Variants in FIGN observed in about 807,000 individuals in gnomAD.
The protein encoded by FIGN is fidgetin.
Under a neutral mutation model 51.3 loss-of-function variants are expected in FIGN, and 11 were observed. The observed-to-expected ratio is 0.21, with a 90% CI of 0.13 to 0.35. The LOEUF is 0.35. FIGN is among the 10% of genes least tolerant of loss of function. The pLI is 1.00. For missense variants in FIGN, 857 were observed against 943.6 expected, an observed-to-expected ratio of 0.91 and a Z score of 1.20; for synonymous variants, 407 against 363.2, an observed-to-expected ratio of 1.12 and a Z score of -1.37.
intron 2 of FIGN, among the ~76,000 whole-genome samples, chr2:163,673,697 G>T (rs1370011101): frequency 6.6e-6 from 1 of 152,114 alleles, no homozygotes; most frequent in Non-Finnish European, 1.5e-5. Context: ...CAGGGACGGG[G>T]TCTGTTTTGT....
At chr2:163,655,077 TG>T (rs1683538259) in intron 2 of FIGN, among the ~76,000 whole-genome samples, 1 of 152,112 alleles carries the variant, frequency 6.6e-6, no homozygotes, top group Non-Finnish European at 1.5e-5. Flanking sequence ...CATGCATACA[TG>T]TGTACATACT....
intron 2 of FIGN, among the ~76,000 whole-genome samples, chr2:163,643,024 T>C (rs1683327308): frequency 6.6e-6 from 1 of 152,094 alleles, no homozygotes; most frequent in African/African-American, 2.4e-5. Context: ...TTTGTAGAAA[T>C]TGATACACTG....
chr2:163,665,903 ATT>A (rs1683765171), intron 2 of FIGN, among the ~76,000 whole-genome samples: 1 of 152,134 alleles, frequency 6.6e-6, no homozygotes, highest in Admixed American at 6.5e-5. Flanking sequence ...CTATGGTTTT[ATT>A]TTTACAAAGT....
chr2:163,623,019 G>T (rs1359850489), intron 2 of FIGN, among the ~76,000 whole-genome samples: 1 of 152,054 alleles, frequency 6.6e-6, no homozygotes, highest in African/African-American at 2.4e-5. Context: ...TAAGCAACAC[G>T]AAAACCCAAC....
intron 2 of FIGN, among the ~76,000 whole-genome samples, chr2:163,734,274 A>G (rs1684977777): frequency 6.6e-6 from 1 of 152,040 alleles, no homozygotes; most frequent in South Asian, 2.1e-4. Context: ...TTTAAAAGAC[A>G]TCAAGGACTT....
intron 2 of FIGN, among the ~76,000 whole-genome samples, chr2:163,655,804 CAGAGAGAGAGAG>C (rs3058760): frequency 1.4e-5 from 2 of 145,780 alleles, no homozygotes; most frequent in African/African-American, 2.5e-5. Context: ...CACACACACA[CAGAGAGAGAGAG>C]AGAGAGAGAG....
chr2:163,649,205 A>T (rs1472988763), intron 2 of FIGN, among the ~76,000 whole-genome samples: 1 of 152,190 alleles, frequency 6.6e-6, no homozygotes, highest in Non-Finnish European at 1.5e-5. Context: ...CATGTCAAAG[A>T]ATTAGAAAAC....
At chr2:163,614,825 A>G (rs1019251149) in intron 2 of FIGN, among the ~76,000 whole-genome samples, 1 of 152,110 alleles carries the variant, frequency 6.6e-6, no homozygotes, top group Admixed American at 6.6e-5. Context: ...TATTTTTTTA[A>G]AAAAACACAG....
rs181815828 is a variant in FIGN, at chr2:163,646,777, A to G, written c.26-34971T>C. 3.9e-3 allele frequency among the ~76,000 whole-genome samples: 594 copies of G among 152,358 alleles called. 3 individuals carry two copies. The highest frequency in any genetic ancestry group is 0.014 in the African/African-American group (570 of 41,588). ...ATTGATCTCACATTAATTTGATTGA[A>G]GGTGGCTTGCCAACACATCTCACTT... On this transcript the variant is annotated intron_variant, in intron 2 of 2. Transcript: ENST00000333129.
intron 2 of FIGN, among the ~76,000 whole-genome samples, chr2:163,714,608 T>C (rs761680417): frequency 2.6e-5 from 4 of 152,216 alleles, no homozygotes; most frequent in Non-Finnish European, 5.9e-5. Context: ...AAGAAACTGA[T>C]CCTAGCTACT....
chr2:163,694,731 C>A (rs149356217), intron 2 of FIGN, among the ~76,000 whole-genome samples: 22 of 152,252 alleles, frequency 1.4e-4, no homozygotes, highest in African/African-American at 5.3e-4. Flanking sequence ...TACTACTTCA[C>A]CAAACAAAGA....
At chr2:163,626,504 GACC>G (rs1675922256) in intron 2 of FIGN, among the ~76,000 whole-genome samples, 1 of 152,102 alleles carries the variant, frequency 6.6e-6, no homozygotes. Context: ...TTACAAAAGA[GACC>G]ACAAGATGTC....
chr2:163,673,099 C>A (rs1683904440), intron 2 of FIGN, among the ~76,000 whole-genome samples: 1 of 151,926 alleles, frequency 6.6e-6, no homozygotes, highest in Admixed American at 6.6e-5. Context: ...AAATATTATT[C>A]AAAATAAAAA....
At chr2:163,635,310 G>A (rs1683208309) in intron 2 of FIGN, among the ~76,000 whole-genome samples, 2 of 152,212 alleles carry the variant, frequency 1.3e-5, no homozygotes, top group Admixed American at 6.5e-5. Context: ...GTTCACACCT[G>A]TAATTCCAGT....
chr2:163,655,804 CAG>C (rs3058760), intron 2 of FIGN, among the ~76,000 whole-genome samples: 233 of 144,886 alleles, frequency 1.6e-3, no homozygotes, highest in Non-Finnish European at 1.7e-3. Flanking sequence ...CACACACACA[CAG>C]AGAGAGAGAG....
rs1412221878 is a variant in FIGN, at chr2:163,603,827, A to G, written c.*5725T>C. ...TTTTAAAACTAAGTGTTCTTTTGCT[A>G]CTGTAATATAGAGCTGGTGAAGAAA... On this transcript the variant is annotated 3_prime_UTR_variant, in exon 3 of 3. Coordinates refer to ENST00000333129, the MANE Select transcript of FIGN (RefSeq NM_018086.4). The G allele has an allele frequency of 3.9e-5, 6 of 152,108 alleles. No individual in the cohort carries two copies. The highest frequency in any genetic ancestry group is 8.8e-5 in the Non-Finnish European group (6 of 67,986). The allele number at this position is 152,108 out of a possible 1,614,324, so 9.4% of individuals were successfully genotyped here.
intron 2 of FIGN, among the ~76,000 whole-genome samples, chr2:163,625,857 C>T (rs1340527163): frequency 2.0e-5 from 3 of 151,958 alleles, no homozygotes; most frequent in Non-Finnish European, 4.4e-5. Flanking sequence ...ATGACACAAT[C>T]AGTTTTGAAA....
intron 2 of FIGN, among the ~76,000 whole-genome samples, chr2:163,686,196 T>C (rs1161867435): frequency 4.6e-5 from 7 of 152,174 alleles, no homozygotes; most frequent in African/African-American, 7.2e-5. Context: ...TAGAAAAAGA[T>C]GGGTATCCAT....
At chr2:163,730,524 G>A (rs7602517) in intron 2 of FIGN, among the ~76,000 whole-genome samples, 81,874 of 151,652 alleles carry the variant, frequency 0.54, 25,373 homozygotes, top group Admixed American at 0.68. Flanking sequence ...GTGTGTGTGT[G>A]TGTGTGTGTG....
Sources: gnomAD v4.1 joint callset for allele counts (sites outside exome capture counted in the v4.1 genomes callset) on GRCh38, gnomAD v4.1.1 for gene constraint, MANE v1.5 for transcripts, NCBI Gene and HGNC (gene_info 2026-07-23, HGNC 2026-07-21) for gene names.